FSD1L: variants seen among roughly 807,000 people sequenced by gnomAD.
The protein encoded by FSD1L is fibronectin type III and SPRY domain containing 1 like.
Under a neutral mutation model 71.6 loss-of-function variants are expected in FSD1L, and 45 were observed. That is an observed-to-expected ratio of 0.63 (90% CI 0.49 to 0.81). FSD1L has a LOEUF of 0.81. Ranked by LOEUF, FSD1L falls within the 30% of genes least tolerant of loss-of-function variation. The pLI is 0.00. For missense variants in FSD1L, 561 were observed against 618.1 expected (o/e 0.91, Z 0.98); for synonymous variants, 197 against 207.2 (o/e 0.95, Z 0.42).
chr9:105,518,215 G>T (rs2131401774), intron 10 of FSD1L, among the ~76,000 whole-genome samples: 1 of 152,274 alleles, frequency 6.6e-6, no homozygotes, highest in South Asian at 2.1e-4. Context: ...AATAGTGGGA[G>T]ACTTTAACAT....
chr9:105,467,042 T>A (rs1831128977), intron 3 of FSD1L, among the ~76,000 whole-genome samples: 1 of 152,212 alleles, frequency 6.6e-6, no homozygotes, highest in Non-Finnish European at 1.5e-5. Flanking sequence ...TTTTTATGAA[T>A]GAATAGACTG....
At chr9:105,534,738 G>A in intron 11 of FSD1L, 145 bp downstream of exon 11, 1 of 601,644 alleles carries the variant, frequency 1.7e-6, no homozygotes, top group Non-Finnish European at 2.9e-6. Context: ...ATTACTTTGG[G>A]GAGTTTTCAG....
At chr9:105,533,000 C>G (rs561814752) in intron 10 of FSD1L, among the ~76,000 whole-genome samples, 5 of 152,190 alleles carry the variant, frequency 3.3e-5, no homozygotes, top group Middle Eastern at 3.4e-3. Context: ...CTTGCTTTGC[C>G]ATCAGGGATT....
intron 7 of FSD1L, among the ~76,000 whole-genome samples, chr9:105,505,234 T>C (rs1564121562): frequency 6.6e-6 from 1 of 152,166 alleles, no homozygotes; most frequent in Non-Finnish European, 1.5e-5. Context: ...GTTCCAGGAA[T>C]TTTATTCTTT....
At chr9:105,543,647 T>A (rs543986880) in intron 13 of FSD1L, among the ~76,000 whole-genome samples, 1 of 152,080 alleles carries the variant, frequency 6.6e-6, no homozygotes, top group South Asian at 2.1e-4. Context: ...TGTGTTTTCA[T>A]TGTTCAGTTC....
intron 10 of FSD1L, chr9:105,525,911 C>T: frequency 6.4e-7 from 1 of 1,557,450 alleles, no homozygotes; most frequent in Non-Finnish European, 8.9e-7. Context: ...AGAATGCCTT[C>T]TGATTCTGAT....
intron 8 of FSD1L, among the ~76,000 whole-genome samples, chr9:105,507,846 ATAAT>A (rs995775504): frequency 3.3e-5 from 5 of 151,850 alleles, no homozygotes; most frequent in African/African-American, 1.2e-4. Context: ...GAATAAAATA[ATAAT>A]TAAATCATGA....
At chr9:105,495,172 T>G (rs1189703110) in intron 7 of FSD1L, among the ~76,000 whole-genome samples, 2 of 152,208 alleles carry the variant, frequency 1.3e-5, no homozygotes, top group Non-Finnish European at 2.9e-5. Flanking sequence ...GCTTCCCGGC[T>G]GCTTTGTTGA....
At chr9:105,480,339 C>G (rs919971504) in intron 6 of FSD1L, among the ~76,000 whole-genome samples, 9 of 148,894 alleles carry the variant, frequency 6.0e-5, no homozygotes, top group African/African-American at 2.3e-4. Flanking sequence ...AGCACCCAGG[C>G]TGGAGTGCAG....
At chr9:105,455,759 A>G (rs1274518194) in intron 1 of FSD1L, among the ~76,000 whole-genome samples, 1 of 152,222 alleles carries the variant, frequency 6.6e-6, no homozygotes, top group African/African-American at 2.4e-5. Flanking sequence ...CTACTTTTTT[A>G]TCAGATTTGA....
chr9:105,512,838 C>A lies in FSD1L; in HGVS notation c.927C>A (p.Ser309=). ...ACTTCAATTTGGATAACTCCTCATC[C>A]CATTTGAACCTGAAAGTTGAAGATA... is the stretch of plus-strand genomic sequence containing the variant. ...ALNFNLDNSS[S]HLNLKVEDTC... is the part of the protein sequence containing the mutation. Residue 309 remains serine (S), a synonymous_variant, in exon 10 of 14, where the codon TCC becomes TCA. Coordinates refer to ENST00000481272, the MANE Select transcript of FSD1L (RefSeq NM_001145313.3). 1 of 1,534,036 alleles carries A rather than the reference C, an allele frequency of 6.5e-7. No individual in the cohort carries two copies. The highest frequency in any genetic ancestry group is 8.8e-7 in the Non-Finnish European group (1 of 1,136,060).
Position 105,484,430 on chromosome 9 carries a change from G to T in FSD1L, c.514G>T (p.Asp172Tyr). The T allele has an allele frequency of 6.5e-7, 1 of 1,528,630 alleles. No homozygotes were observed. Among genetic ancestry groups the T allele is most frequent in the South Asian group, 1.3e-5 (1 of 79,200 alleles). The allele number at this position is 1,528,630 out of a possible 1,614,324, so 94.7% of individuals were successfully genotyped here. ...CCTTTCTTTGAAACCAAAGGTCAGT[G>T]ACAACATGACTCATTTAATGGTGGA... Reference protein sequence around the residue: ...FRLSLKPKVSDNMTHLMVDFS... With the variant: ...FRLSLKPKVSYNMTHLMVDFS... The change falls in exon 7 of 14, where the codon GAC (aspartate) becomes TAC (tyrosine). Residue 172 changes from aspartate to tyrosine, a missense_variant. Asp to Tyr is a radical substitution (Grantham distance 160). Transcript: ENST00000481272.
chr9:105,505,337 T>C (rs1430369303), intron 7 of FSD1L, among the ~76,000 whole-genome samples: 2 of 152,250 alleles, frequency 1.3e-5, no homozygotes, highest in Non-Finnish European at 2.9e-5. Flanking sequence ...CTCGGCTCAC[T>C]GCAATCTCTG....
At chr9:105,462,003 T>G (rs925528848) in intron 2 of FSD1L, among the ~76,000 whole-genome samples, 11 of 151,834 alleles carry the variant, frequency 7.2e-5, no homozygotes, top group Admixed American at 7.2e-4. Flanking sequence ...AGCTCAGGTC[T>G]TATCTAGTTG....
At chr9:105,454,303 A>G (rs753600560) in intron 1 of FSD1L, among the ~76,000 whole-genome samples, 38 of 152,188 alleles carry the variant, frequency 2.5e-4, no homozygotes, top group Non-Finnish European at 4.3e-4. Context: ...AATACTTTTA[A>G]TGATTCAACA....
At chr9:105,521,250 C>A in intron 10 of FSD1L, 1 of 1,614,128 alleles carries the variant, frequency 6.2e-7, no homozygotes, top group African/African-American at 1.3e-5. Flanking sequence ...TGAAGTCTTG[C>A]CAAAGAATAT....
At chr9:105,501,038 A>T (rs1833726343) in intron 7 of FSD1L, among the ~76,000 whole-genome samples, 1 of 152,340 alleles carries the variant, frequency 6.6e-6, no homozygotes, top group Non-Finnish European at 1.5e-5. Flanking sequence ...GAATCCATTC[A>T]TCAGAAGATA....
chr9:105,535,382 T>A, intron 12 of FSD1L, 64 bp downstream of exon 12: 1 of 1,460,064 alleles, frequency 6.8e-7, no homozygotes, highest in Non-Finnish European at 9.3e-7. Context: ...CTTTCACTGG[T>A]AATCATCTAT....
chr9:105,455,378 C>T (rs912963150), intron 1 of FSD1L, among the ~76,000 whole-genome samples: 1 of 151,406 alleles, frequency 6.6e-6, no homozygotes, highest in South Asian at 2.1e-4. Flanking sequence ...GTGCCATCCC[C>T]ACTGGAGTCG....
Sources: gnomAD v4.1 joint callset for allele counts (sites outside exome capture counted in the v4.1 genomes callset) on GRCh38, gnomAD v4.1.1 for gene constraint, MANE v1.5 for transcripts, NCBI Gene and HGNC (gene_info 2026-07-23, HGNC 2026-07-21) for gene names.